GRIA1: variants seen among roughly 807,000 people sequenced by gnomAD.
GRIA1 encodes glutamate ionotropic receptor AMPA type subunit 1.
A neutral mutation model predicts 99.2 loss-of-function variants in GRIA1; 31 were observed. The ratio of observed to expected loss-of-function variants is 0.31; its 90% CI spans 0.23 to 0.42. The LOEUF (loss-of-function observed/expected upper bound fraction) is 0.42, where lower values mean the gene tolerates loss of function less well. Among genes scored for constraint, GRIA1 ranks in the 10% least tolerant of loss-of-function variants. The probability of loss-of-function intolerance (pLI) is 1.00; values close to 1 mark genes in which losing one functional copy is unlikely to be tolerated. For synonymous variants in GRIA1, 438 were observed against 432.4 expected (o/e 1.01, Z -0.16); for missense variants, 782 against 1,157.5 (o/e 0.68, Z 4.71).
At chr5:153,530,729 G>T (rs979618031) in intron 2 of GRIA1, among the ~76,000 whole-genome samples, 3 of 152,226 alleles carry the variant, frequency 2.0e-5, no homozygotes, top group African/African-American at 7.2e-5. Context: ...TGCCCTCTCT[G>T]GTAAGGAGCC....
chr5:153,660,267 T>A (rs1755266144), intron 5 of GRIA1, among the ~76,000 whole-genome samples: 1 of 152,186 alleles, frequency 6.6e-6, no homozygotes, highest in Admixed American at 6.5e-5. Flanking sequence ...ATAATAACAA[T>A]GGCAATAACT....
At chr5:153,591,738 T>C (rs1312199931) in intron 2 of GRIA1, among the ~76,000 whole-genome samples, 1 of 152,112 alleles carries the variant, frequency 6.6e-6, no homozygotes, top group African/African-American at 2.4e-5. Flanking sequence ...AGGAAGGCAT[T>C]TAAAAAGCAC....
At chr5:153,503,821 A>C (rs7707530) in intron 2 of GRIA1, among the ~76,000 whole-genome samples, 38,398 of 152,178 alleles carry the variant, frequency 0.25, 6,014 homozygotes, top group Non-Finnish European at 0.36. Flanking sequence ...CAGAAACCCA[A>C]CTAACTGGAT....
chr5:153,535,169 G>A (rs112387297), intron 2 of GRIA1, among the ~76,000 whole-genome samples: 24,813 of 152,002 alleles, frequency 0.16, 2,100 homozygotes, highest in South Asian at 0.26. Flanking sequence ...CGATCTGCCC[G>A]TCTCGGCCTC....
chr5:153,621,382 G>A (rs938951568), intron 2 of GRIA1, among the ~76,000 whole-genome samples: 4 of 152,252 alleles, frequency 2.6e-5, no homozygotes, highest in East Asian at 1.9e-4. Context: ...TGGCAGTATC[G>A]CTTGAGGCCA....
chr5:153,546,442 G>A (rs1335516829), intron 2 of GRIA1, among the ~76,000 whole-genome samples: 1 of 152,150 alleles, frequency 6.6e-6, no homozygotes, highest in Non-Finnish European at 1.5e-5. Context: ...GGTTCTCCAT[G>A]AATGAAGGAA....
intron 5 of GRIA1, among the ~76,000 whole-genome samples, chr5:153,673,901 CCT>C (rs1057256676): frequency 8.5e-5 from 13 of 152,052 alleles, no homozygotes; most frequent in African/African-American, 3.1e-4. Flanking sequence ...GAAAATTTAC[CCT>C]GTTGTATGGA....
intron 2 of GRIA1, among the ~76,000 whole-genome samples, chr5:153,629,763 T>C (rs1459444722): frequency 1.3e-5 from 2 of 152,270 alleles, no homozygotes; most frequent in Non-Finnish European, 2.9e-5. Context: ...TCCCTCTGAA[T>C]GTGCAGAACA....
chr5:153,562,272 C>T (rs190858610), intron 2 of GRIA1, among the ~76,000 whole-genome samples: 7 of 152,130 alleles, frequency 4.6e-5, no homozygotes, highest in African/African-American at 1.7e-4. Flanking sequence ...CATCTATACC[C>T]ATTATGTCTG....
At chr5:153,726,681 T>G in intron 11 of GRIA1, among the ~76,000 whole-genome samples, 1 of 152,144 alleles carries the variant, frequency 6.6e-6, no homozygotes, top group African/African-American at 2.4e-5. Context: ...CTCCCAAGAC[T>G]AAACCAGCAA....
At chr5:153,760,967 G>A (rs1432769807) in intron 11 of GRIA1, among the ~76,000 whole-genome samples, 1 of 152,086 alleles carries the variant, frequency 6.6e-6, no homozygotes, top group Non-Finnish European at 1.5e-5. Context: ...TGGGAAAATT[G>A]GATATCTACA....
intron 11 of GRIA1, among the ~76,000 whole-genome samples, chr5:153,707,028 A>G (rs2149522431): frequency 6.6e-6 from 1 of 152,274 alleles, no homozygotes. Flanking sequence ...TTGAGGTAGG[A>G]GGGTCACTTG....
At chr5:153,518,351 C>G (rs1160863104) in intron 2 of GRIA1, among the ~76,000 whole-genome samples, 1 of 152,054 alleles carries the variant, frequency 6.6e-6, no homozygotes, top group Non-Finnish European at 1.5e-5. Context: ...GCTTCTTGTT[C>G]CTTGTATCCT....
intron 2 of GRIA1, among the ~76,000 whole-genome samples, chr5:153,622,025 TCTC>T (rs1767100169): frequency 6.6e-6 from 1 of 152,230 alleles, no homozygotes; most frequent in South Asian, 2.1e-4. Flanking sequence ...AGCCAAGAGT[TCTC>T]CTCTTTTATC....
chr5:153,544,820 A>G (rs1408876559), intron 2 of GRIA1, among the ~76,000 whole-genome samples: 2 of 152,170 alleles, frequency 1.3e-5, no homozygotes, highest in African/African-American at 4.8e-5. Context: ...ATTATGATAA[A>G]GATAGAGGAA....
intron 2 of GRIA1, among the ~76,000 whole-genome samples, chr5:153,636,233 C>G (rs1040712799): frequency 4.6e-5 from 7 of 152,194 alleles, no homozygotes; most frequent in Admixed American, 6.5e-5. Flanking sequence ...CCTTCCTGCC[C>G]TGCCTACCTT....
intron 11 of GRIA1, among the ~76,000 whole-genome samples, chr5:153,761,150 AC>A (rs1424097367): frequency 1.3e-5 from 2 of 152,134 alleles, no homozygotes; most frequent in African/African-American, 4.8e-5. Context: ...AAAATCCCAG[AC>A]AACAAAAGCA....
chr5:153,790,084 T>C (rs916062456), intron 13 of GRIA1, among the ~76,000 whole-genome samples: 2 of 152,188 alleles, frequency 1.3e-5, no homozygotes, highest in Non-Finnish European at 2.9e-5. Flanking sequence ...AATTTCCCAG[T>C]ACCAGGGATT....
chr5:153,768,685 A>G (rs1032681840), intron 12 of GRIA1, among the ~76,000 whole-genome samples: 8 of 152,200 alleles, frequency 5.3e-5, no homozygotes, highest in African/African-American at 1.9e-4. Flanking sequence ...CGCTAATATC[A>G]AGGAAATAAA....
Sources: gnomAD v4.1 joint callset for allele counts (sites outside exome capture counted in the v4.1 genomes callset) on GRCh38, gnomAD v4.1.1 for gene constraint, MANE v1.5 for transcripts, NCBI Gene and HGNC (gene_info 2026-07-23, HGNC 2026-07-21) for gene names.